The following NCS1 variants were observed in gnomAD, a reference collection of about 807,000 sequenced individuals.
NCS1 encodes the protein neuronal calcium sensor 1.
NCS1 carries 6 observed loss-of-function variants against 28.4 expected under a neutral mutation model. The observed-to-expected ratio is 0.21, with a 90% CI of 0.12 to 0.42. The LOEUF is 0.42. Among genes scored for constraint, NCS1 ranks in the 10% least tolerant of loss-of-function variants. The pLI is 1.00. For missense variants in NCS1, 131 were observed against 241.4 expected (o/e 0.54, Z 3.03); for synonymous variants, 86 against 99.3 (o/e 0.87, Z 0.79).
intron 1 of NCS1, among the ~76,000 whole-genome samples, chr9:130,182,085 C>T (rs923975525): frequency 4.6e-5 from 7 of 151,958 alleles, no homozygotes; most frequent in East Asian, 1.9e-4. Context: ...TGACGACCAC[C>T]GTTTACCCAG....
intron 2 of NCS1, among the ~76,000 whole-genome samples, chr9:130,202,538 T>C (rs1403471289): frequency 6.6e-6 from 1 of 151,596 alleles, no homozygotes; most frequent in East Asian, 1.9e-4. Context: ...CAGTGGGTGC[T>C]TGGCCCCCAA....
At chr9:130,193,194 C>T (rs1554906435) in intron 1 of NCS1, among the ~76,000 whole-genome samples, 1 of 152,156 alleles carries the variant, frequency 6.6e-6, no homozygotes, top group Non-Finnish European at 1.5e-5. Context: ...GGAGATGGTA[C>T]CGAGGGGGCT....
intron 1 of NCS1, chr9:130,200,499 C>T: frequency 7.0e-7 from 1 of 1,428,920 alleles, no homozygotes. Context: ...TGAGAGCTGC[C>T]CCTTTTCAGC....
intron 1 of NCS1, among the ~76,000 whole-genome samples, chr9:130,189,259 G>A (rs138062104): frequency 3.8e-4 from 58 of 152,320 alleles, no homozygotes; most frequent in Admixed American, 2.0e-3. Flanking sequence ...TATTGTGACC[G>A]CCACTATTCC....
chr9:130,206,406 T>TC (rs1488197061), intron 2 of NCS1, among the ~76,000 whole-genome samples: 1 of 4,724 alleles, frequency 2.1e-4, no homozygotes, highest in African/African-American at 2.6e-4. Context: ...TTTCTTTCTT[T>TC]TTTTTTTTTT....
In NCS1 at chr9:130,192,883, A is replaced by T. The variant is rs1236452238; in HGVS notation, c.65-8075A>T. Among the ~76,000 whole-genome samples the T allele has an allele frequency of 6.6e-6, 1 of 151,684 alleles. No individual in the cohort carries two copies. Among genetic ancestry groups the T allele is most frequent in the Non-Finnish European group, 1.5e-5 (1 of 67,940 alleles). Reference sequence around the variant, plus strand: ...TTTCACTCTCTTTTCTGTCCTCCCCACCTCCCAGTGTGCGGTACTCCATGG... The same window carrying T: ...TTTCACTCTCTTTTCTGTCCTCCCCTCCTCCCAGTGTGCGGTACTCCATGG... On this transcript the variant is annotated intron_variant, in intron 1 of 7. Transcript: ENST00000372398. This position sits in a 1 kb window ranked among gnomAD's most constrained non-coding sequence, Gnocchi z 4.8.
rs1554906203 is a variant in NCS1, at chr9:130,191,007, C to T, written c.65-9951C>T. On this transcript the variant is annotated intron_variant, in intron 1 of 7. Transcript: ENST00000372398. The surrounding 1 kb of genome is among the most constrained non-coding windows in gnomAD (Gnocchi z 6.4). ...ACAGCTTCCCATCTTGGTGTCTGCC[C>T]CAAGGCCTGGCCCTCTGACTTTTAT... Among the ~76,000 whole-genome samples, 1 of 152,216 alleles carries T rather than the reference C, an allele frequency of 6.6e-6. No individual in the cohort carries two copies. The highest frequency in any genetic ancestry group is 2.4e-5 in the African/African-American group (1 of 41,466).
rs1238061410 is a variant in NCS1 at position 130,192,456 on chromosome 9, G to A, written c.65-8502G>A. On this transcript the variant is annotated intron_variant, in intron 1 of 7. Coordinates refer to ENST00000372398, the MANE Select transcript of NCS1 (RefSeq NM_014286.4). The surrounding 1 kb of genome is among the most constrained non-coding windows in gnomAD (Gnocchi z 4.8). ...CTTCCTGGACACGGGGCCTGTCGTTGTGGGAAATGAGGCGCTCCAGACCCT... is the reference window on the plus strand; with the variant it reads ...CTTCCTGGACACGGGGCCTGTCGTTATGGGAAATGAGGCGCTCCAGACCCT... Among the ~76,000 whole-genome samples the A allele has an allele frequency of 6.6e-6, 1 of 152,066 alleles. No homozygotes were observed. Among genetic ancestry groups the A allele is most frequent in the African/African-American group, 2.4e-5 (1 of 41,406 alleles).
intron 1 of NCS1, among the ~76,000 whole-genome samples, chr9:130,196,609 G>A (rs1237008503): frequency 6.6e-6 from 1 of 152,190 alleles, no homozygotes. Context: ...CGTGGTAGCA[G>A]GTGCCTGTAA....
At chr9:130,231,248 G>A (rs1401998991) in intron 7 of NCS1, among the ~76,000 whole-genome samples, 6 of 151,872 alleles carry the variant, frequency 4.0e-5, no homozygotes, top group Non-Finnish European at 8.8e-5. Flanking sequence ...CTACTTAGGG[G>A]TGCTGAGGCA....
At position 130,219,939 on chromosome 9, in the gene NCS1, G is replaced by A. The variant is rs1833251501; in HGVS notation, c.307+136G>A. The A allele has an allele frequency of 1.0e-6, 1 of 958,992 alleles. No individual in the cohort carries two copies. Among genetic ancestry groups the A allele is most frequent in the Non-Finnish European group, 1.6e-6 (1 of 614,258 alleles). The allele number at this position is 958,992 out of a possible 1,614,324, so 59.4% of individuals were successfully genotyped here. On this transcript the variant is annotated intron_variant, in intron 4 of 7. Coordinates refer to ENST00000372398, the MANE Select transcript of NCS1 (RefSeq NM_014286.4). This position sits in a 1 kb window ranked among gnomAD's most constrained non-coding sequence, Gnocchi z 5.7. ...CACAGATGGCGTCCCAGCTGTGTCT[G>A]CAGAGGGCAGGCCTGGGCCCTGGGC...
chr9:130,183,582 G>T (rs782093813), intron 1 of NCS1, among the ~76,000 whole-genome samples: 1 of 152,148 alleles, frequency 6.6e-6, no homozygotes, highest in Non-Finnish European at 1.5e-5. Flanking sequence ...GTGGGGCCAT[G>T]GCCACCTCGG....
At chr9:130,225,731 C>T (rs1235369004) in intron 6 of NCS1, among the ~76,000 whole-genome samples, 1 of 152,254 alleles carries the variant, frequency 6.6e-6, no homozygotes, top group African/African-American at 2.4e-5. Flanking sequence ...CGAGCGATCC[C>T]TGAGCACAGC....
At chr9:130,222,124 A>G (rs972267524) in intron 4 of NCS1, among the ~76,000 whole-genome samples, 1 of 134,278 alleles carries the variant, frequency 7.4e-6, no homozygotes, top group Non-Finnish European at 1.5e-5. Context: ...GTATATATAT[A>G]TGTGTATATA....
intron 2 of NCS1, among the ~76,000 whole-genome samples, chr9:130,210,643 G>A (rs1209460456): frequency 6.6e-6 from 1 of 151,886 alleles, no homozygotes; most frequent in Non-Finnish European, 1.5e-5. Flanking sequence ...CCCACTCAGG[G>A]GTCTGAAAGG....
intron 6 of NCS1, 33 bp downstream of exon 6, chr9:130,223,192 A>G: frequency 6.3e-7 from 1 of 1,586,096 alleles, no homozygotes. Flanking sequence ...GTCCTGGACC[A>G]GGGAGGCAAG....
In NCS1 at chr9:130,219,082, C is replaced by G. The variant is rs1554909820; in HGVS notation, c.229-643C>G. ...AGCTTGTGTCACCTCCGGGCAGTGG[C>G]TGCACGGATAGCTGTTGGGTTATCT... On this transcript the variant is annotated intron_variant, in intron 3 of 7. Coordinates refer to ENST00000372398, the MANE Select transcript of NCS1 (RefSeq NM_014286.4). The surrounding 1 kb of genome is among the most constrained non-coding windows in gnomAD (Gnocchi z 5.7). 6.6e-6 allele frequency among the ~76,000 whole-genome samples: 1 copy of G among 152,146 alleles called. No individual in the cohort carries two copies. The highest frequency in any genetic ancestry group is 2.4e-5 in the African/African-American group (1 of 41,416).
intron 1 of NCS1, among the ~76,000 whole-genome samples, chr9:130,200,054 C>A (rs1832921527): frequency 6.6e-6 from 1 of 152,120 alleles, no homozygotes; most frequent in South Asian, 2.1e-4. Context: ...CCCAGGGATC[C>A]AGTAGCTTCC....
intron 1 of NCS1, among the ~76,000 whole-genome samples, chr9:130,185,504 G>C (rs1174874876): frequency 6.6e-6 from 1 of 152,164 alleles, no homozygotes; most frequent in African/African-American, 2.4e-5. Flanking sequence ...GCCCCAGCTG[G>C]CCAGGCCTCG....
Sources: gnomAD v4.1 joint callset for allele counts (sites outside exome capture counted in the v4.1 genomes callset) on GRCh38, gnomAD v4.1.1 for gene constraint, Gnocchi (gnomAD v3.1) non-coding constraint, MANE v1.5 for transcripts, NCBI Gene and HGNC (gene_info 2026-07-23, HGNC 2026-07-21) for gene names.